AFG1L: variants seen among roughly 807,000 people sequenced by gnomAD.
The protein encoded by AFG1L is AFG1-like ATPase.
AFG1L carries 53 observed loss-of-function variants against 62.2 expected under a neutral mutation model. The ratio of observed to expected loss-of-function variants is 0.85; its 90% confidence interval spans 0.68 to 1.07. AFG1L has a LOEUF of 1.07. Ranked by LOEUF, AFG1L falls within the 50% of genes least tolerant of loss-of-function variation. The probability of loss-of-function intolerance (pLI) is 0.00; values close to 1 mark genes in which losing one functional copy is unlikely to be tolerated. For synonymous variants in AFG1L, 228 were observed against 210.3 expected (o/e 1.08, Z -0.73); for missense variants, 555 against 590.5 (o/e 0.94, Z 0.62).
intron 1 of AFG1L, among the ~76,000 whole-genome samples, chr6:108,306,400 A>G (rs1777198233): frequency 6.6e-6 from 1 of 152,230 alleles, no homozygotes; most frequent in Non-Finnish European, 1.5e-5. Context: ...ACTTCTCCCC[A>G]TTCATCTTGA....
intron 7 of AFG1L, among the ~76,000 whole-genome samples, chr6:108,424,693 A>G (rs893392884): frequency 1.3e-5 from 2 of 152,134 alleles, no homozygotes; most frequent in Non-Finnish European, 2.9e-5. Flanking sequence ...AGGTTATAAT[A>G]CTAGCAATTA....
At chr6:108,472,531 A>G in intron 8 of AFG1L, among the ~76,000 whole-genome samples, 1 of 152,288 alleles carries the variant, frequency 6.6e-6, no homozygotes, top group South Asian at 2.1e-4. Context: ...ATTTTTTTAA[A>G]CGAATGTCCA....
At chr6:108,343,701 A>G (rs992075094) in intron 2 of AFG1L, among the ~76,000 whole-genome samples, 2 of 152,250 alleles carry the variant, frequency 1.3e-5, no homozygotes, top group Non-Finnish European at 2.9e-5. Flanking sequence ...ATTGCATGAT[A>G]ATGGTTCATA....
intron 6 of AFG1L, among the ~76,000 whole-genome samples, chr6:108,388,818 A>AGGTGT (rs879820821): frequency 2.0e-3 from 306 of 151,974 alleles, no homozygotes; most frequent in Non-Finnish European, 3.7e-3. Flanking sequence ...ATTTTGGAAT[A>AGGTGT]GGTGTGGTGT....
chr6:108,500,975 T>G (rs879229351), intron 10 of AFG1L, among the ~76,000 whole-genome samples: 1 of 152,166 alleles, frequency 6.6e-6, no homozygotes, highest in Non-Finnish European at 1.5e-5. Context: ...TGTCTGTGCA[T>G]GTTTTTTGCC....
At chr6:108,454,818 A>G (rs144119882) in intron 8 of AFG1L, among the ~76,000 whole-genome samples, 3,422 of 152,020 alleles carry the variant, frequency 0.023, 81 homozygotes, top group South Asian at 0.084. Context: ...ACGCCCAGCT[A>G]ATTTTTGTAT....
intron 2 of AFG1L, among the ~76,000 whole-genome samples, chr6:108,332,991 C>T (rs1472190040): frequency 6.6e-6 from 1 of 152,104 alleles, no homozygotes; most frequent in African/African-American, 2.4e-5. Flanking sequence ...AAAAGTTCAA[C>T]TTATAAAGGT....
At chr6:108,317,746 G>A (rs1488341494) in intron 1 of AFG1L, among the ~76,000 whole-genome samples, 2 of 152,064 alleles carry the variant, frequency 1.3e-5, no homozygotes, top group Admixed American at 6.5e-5. Context: ...TAATATTGTC[G>A]TCATTATTTT....
At chr6:108,345,583 C>T (rs772070593) in intron 2 of AFG1L, among the ~76,000 whole-genome samples, 1 of 152,042 alleles carries the variant, frequency 6.6e-6, no homozygotes, top group Non-Finnish European at 1.5e-5. Context: ...ACAATCTGAC[C>T]ACCTTGGCCT....
At chr6:108,353,030 C>T (rs185266098) in intron 3 of AFG1L, among the ~76,000 whole-genome samples, 3 of 152,202 alleles carry the variant, frequency 2.0e-5, no homozygotes, top group Admixed American at 2.0e-4. Flanking sequence ...CATCTTTTGA[C>T]TATTGTGAAT....
At chr6:108,441,067 C>G (rs979777263) in intron 7 of AFG1L, among the ~76,000 whole-genome samples, 3 of 152,048 alleles carry the variant, frequency 2.0e-5, no homozygotes, top group African/African-American at 7.2e-5. Flanking sequence ...ATAAAAAATG[C>G]TAAGATGGGC....
chr6:108,429,763 T>G (rs1770989948), intron 7 of AFG1L, among the ~76,000 whole-genome samples: 1 of 152,162 alleles, frequency 6.6e-6, no homozygotes, highest in African/African-American at 2.4e-5. Flanking sequence ...TTAGGGCTCT[T>G]TCTTGATTCC....
intron 10 of AFG1L, among the ~76,000 whole-genome samples, chr6:108,489,380 C>T (rs1466724513): frequency 5.9e-5 from 9 of 152,204 alleles, no homozygotes; most frequent in South Asian, 4.1e-4. Context: ...TTCGCTGCTA[C>T]GCATCATGGA....
At chr6:108,457,500 T>C (rs970587117) in intron 8 of AFG1L, among the ~76,000 whole-genome samples, 1 of 151,824 alleles carries the variant, frequency 6.6e-6, no homozygotes, top group Admixed American at 6.6e-5. Flanking sequence ...TCTTTTTTGT[T>C]ATTTTATTAT....
chr6:108,452,465 G>T (rs973759762), intron 8 of AFG1L, among the ~76,000 whole-genome samples: 1 of 151,986 alleles, frequency 6.6e-6, no homozygotes, highest in African/African-American at 2.4e-5. Flanking sequence ...TGAAGGGAGG[G>T]TTCTATTCAA....
At chr6:108,392,428 G>A (rs1781098531) in intron 6 of AFG1L, among the ~76,000 whole-genome samples, 1 of 152,130 alleles carries the variant, frequency 6.6e-6, no homozygotes. Flanking sequence ...TACTTATTAT[G>A]ATTTGTGTAC....
chr6:108,307,356 A>G (rs1777240085), intron 1 of AFG1L, among the ~76,000 whole-genome samples: 1 of 152,014 alleles, frequency 6.6e-6, no homozygotes, highest in Non-Finnish European at 1.5e-5. Context: ...CATCATGTTT[A>G]CAGTAGAAAA....
chr6:108,323,773 C>A, intron 1 of AFG1L, 52 bp from the exon 2 acceptor site: 1 of 1,297,192 alleles, frequency 7.7e-7, no homozygotes, highest in Non-Finnish European at 1.1e-6. Context: ...ATGTGTAGAG[C>A]ACTGTGAAAA....
chr6:108,324,692 CT>C (rs1326027860), intron 2 of AFG1L, among the ~76,000 whole-genome samples: 265 of 134,636 alleles, frequency 2.0e-3, no homozygotes, highest in Admixed American at 1.7e-3. Flanking sequence ...CCTTTCAGGA[CT>C]TTTTTTTTTT....
Sources: allele counts gnomAD v4.1 joint callset (sites outside exome capture counted in the v4.1 genomes callset), GRCh38; gene constraint gnomAD v4.1.1; transcripts MANE v1.5; gene names NCBI Gene and HGNC (gene_info 2026-07-23, HGNC 2026-07-21).